The following GLCE variants were observed in gnomAD, a reference collection of about 807,000 sequenced individuals.
The protein encoded by GLCE is glucuronic acid epimerase.
In GLCE, 19 loss-of-function variants were observed where a neutral mutation model predicts 47.9. The observed-to-expected ratio is 0.40, with a 90% CI of 0.28 to 0.58. The LOEUF is 0.58. Ranked by LOEUF, GLCE falls within the 20% of genes least tolerant of loss-of-function variation. The probability of loss-of-function intolerance (pLI) is 0.48; values close to 1 mark genes in which losing one functional copy is unlikely to be tolerated. For synonymous variants in GLCE, 245 were observed against 263.4 expected, an observed-to-expected ratio of 0.93 and a Z score of 0.68; for missense variants, 556 against 743.3, an observed-to-expected ratio of 0.75 and a Z score of 2.93.
At chr15:69,219,211 T>G (rs1184063718) in intron 2 of GLCE, among the ~76,000 whole-genome samples, 1 of 152,082 alleles carries the variant, frequency 6.6e-6, no homozygotes, top group Non-Finnish European at 1.5e-5. Context: ...CAGTCATTAT[T>G]TAGTATTTAT....
At chr15:69,168,191 C>T (rs2051533807) in intron 1 of GLCE, among the ~76,000 whole-genome samples, 1 of 151,894 alleles carries the variant, frequency 6.6e-6, no homozygotes, top group South Asian at 2.1e-4. Flanking sequence ...CCACCTACCT[C>T]GGAGGCCGAG....
intron 1 of GLCE, among the ~76,000 whole-genome samples, chr15:69,183,693 G>A (rs2051782761): frequency 6.6e-6 from 1 of 152,222 alleles, no homozygotes; most frequent in Admixed American, 6.5e-5. Context: ...AAGGCTGAAT[G>A]GGGCACTCCC....
intron 1 of GLCE, among the ~76,000 whole-genome samples, chr15:69,185,655 C>T (rs1419146164): frequency 1.3e-5 from 2 of 151,968 alleles, no homozygotes; most frequent in South Asian, 2.1e-4. Flanking sequence ...TTTCTACTCT[C>T]ACACCACCAC....
rs191163683 is a variant in GLCE, at chr15:69,244,008, A to G, written c.-13-11786A>G. Among the ~76,000 whole-genome samples, 4 of 152,318 alleles carry G rather than the reference A, an allele frequency of 2.6e-5. No individual in the cohort carries two copies. In the East Asian group the frequency reaches 5.8e-4, roughly 22 times the overall value. Reference sequence around the variant, plus strand: ...ATTTCTTGTACTGTTAGTTACTCACATATACTGCCACCTTGGGGCTTTTAG... The same window carrying G: ...ATTTCTTGTACTGTTAGTTACTCACGTATACTGCCACCTTGGGGCTTTTAG... On this transcript the variant is annotated intron_variant, in intron 2 of 4. Transcript: ENST00000261858.
At chr15:69,207,290 T>C (rs1487487468) in intron 1 of GLCE, among the ~76,000 whole-genome samples, 3 of 152,128 alleles carry the variant, frequency 2.0e-5, no homozygotes, top group Non-Finnish European at 2.9e-5. Flanking sequence ...GTTCAGTCTT[T>C]GTGATGTGCG....
intron 1 of GLCE, among the ~76,000 whole-genome samples, chr15:69,163,384 C>T (rs957908844): frequency 2.0e-5 from 3 of 152,148 alleles, no homozygotes; most frequent in African/African-American, 7.2e-5. Flanking sequence ...CAAATAAATA[C>T]AGTTAAAAAT....
Position 69,215,284 on chromosome 15 carries a change from T to G in GLCE, c.-14+4878T>G, listed in dbSNP as rs147453435. Among the ~76,000 whole-genome samples, 442 of 152,316 alleles carry G rather than the reference T, an allele frequency of 2.9e-3. 1 individual carries two copies. The highest frequency in any genetic ancestry group is 0.01 in the African/African-American group (424 of 41,572). On this transcript the variant is annotated intron_variant, in intron 2 of 4. Transcript: ENST00000261858. ...CTAATGTGTGTTCTATCCCTTTAGT[T>G]ATTAGCCTTTTCCAGAGTATCATAT...
chr15:69,255,155 T>G (rs979189248), intron 2 of GLCE, among the ~76,000 whole-genome samples: 1 of 152,210 alleles, frequency 6.6e-6, no homozygotes, highest in Admixed American at 6.5e-5. Flanking sequence ...GGTGTTTACC[T>G]TGAAAAGGTC....
chr15:69,271,698 A>G lies in GLCE; in HGVS notation c.*2454A>G, dbSNP rs2053168836. ...TTCCACTTATCTTGAGTTCACTTTG[A>G]TGTTAAATCTATTGCTACTTCAGTT... is the stretch of plus-strand genomic sequence containing the variant. On this transcript the variant is annotated 3_prime_UTR_variant, in exon 5 of 5. Coordinates refer to ENST00000261858, the MANE Select transcript of GLCE (RefSeq NM_015554.3). 1 of 152,220 alleles carries G rather than the reference A, an allele frequency of 6.6e-6. No individual in the cohort carries two copies. The highest frequency in any genetic ancestry group is 1.5e-5 in the Non-Finnish European group (1 of 67,986). The allele number at this position is 152,220 out of a possible 1,614,324, so 9.4% of individuals were successfully genotyped here. A position where few individuals can be genotyped will look rare whatever the true frequency, so the allele number is the denominator to read the frequency against.
intron 3 of GLCE, 145 bp from the exon 4 acceptor site, chr15:69,260,942 C>T: frequency 1.5e-6 from 1 of 664,376 alleles, no homozygotes; most frequent in Non-Finnish European, 2.5e-6. Flanking sequence ...TAGATCTGGT[C>T]ATTATGAGAG....
At chr15:69,162,304 A>T (rs2051436950) in intron 1 of GLCE, among the ~76,000 whole-genome samples, 1 of 150,140 alleles carries the variant, frequency 6.7e-6, no homozygotes, top group African/African-American at 2.5e-5. Context: ...ACTTGTATGT[A>T]TGTGTATTGG....
chr15:69,259,817 A>G (rs1402514044), intron 3 of GLCE, among the ~76,000 whole-genome samples: 1 of 152,260 alleles, frequency 6.6e-6, no homozygotes, highest in Non-Finnish European at 1.5e-5. Flanking sequence ...GAGGAAAGGT[A>G]CAAATGTTAA....
intron 1 of GLCE, among the ~76,000 whole-genome samples, chr15:69,197,771 C>G (rs987025737): frequency 4.0e-5 from 6 of 151,874 alleles, no homozygotes; most frequent in Admixed American, 2.6e-4. Context: ...GTAGATAACA[C>G]TTTTGAGTTT....
At chr15:69,171,392 A>T (rs2051585802) in intron 1 of GLCE, among the ~76,000 whole-genome samples, 1 of 150,142 alleles carries the variant, frequency 6.7e-6, no homozygotes, top group Non-Finnish European at 1.5e-5. Context: ...TACTTTTGGG[A>T]TATATTCTTT....
intron 2 of GLCE, among the ~76,000 whole-genome samples, chr15:69,226,957 C>G (rs888448630): frequency 6.6e-6 from 1 of 151,936 alleles, no homozygotes; most frequent in African/African-American, 2.4e-5. Context: ...GTTGGCCAGG[C>G]TGGTCTCGAC....
intron 2 of GLCE, among the ~76,000 whole-genome samples, chr15:69,239,128 G>C (rs1454237454): frequency 6.6e-6 from 1 of 152,090 alleles, no homozygotes; most frequent in African/African-American, 2.4e-5. Flanking sequence ...TAGAACAGAG[G>C]TGCCTCCTAG....
At chr15:69,236,984 C>G (rs2052601280) in intron 2 of GLCE, among the ~76,000 whole-genome samples, 1 of 152,108 alleles carries the variant, frequency 6.6e-6, no homozygotes. Flanking sequence ...ACCTGCCATT[C>G]TGTTAACTAT....
At chr15:69,165,507 T>A (rs2051489202) in intron 1 of GLCE, among the ~76,000 whole-genome samples, 1 of 142,382 alleles carries the variant, frequency 7.0e-6, no homozygotes, top group Admixed American at 7.0e-5. Flanking sequence ...ACTGTCTGCT[T>A]TTTTTTTTTT....
At chr15:69,258,893 A>T (rs1186315536) in intron 3 of GLCE, among the ~76,000 whole-genome samples, 1 of 152,192 alleles carries the variant, frequency 6.6e-6, no homozygotes, top group Non-Finnish European at 1.5e-5. Context: ...TTTATTTGCT[A>T]TTTTAATTTT....
Sources: allele counts gnomAD v4.1 joint callset (sites outside exome capture counted in the v4.1 genomes callset), GRCh38; gene constraint gnomAD v4.1.1; transcripts MANE v1.5; gene names NCBI Gene and HGNC (gene_info 2026-07-23, HGNC 2026-07-21).